The following ABCA13 variants were observed in gnomAD, a reference collection of about 807,000 sequenced individuals.
ABCA13 encodes ATP-binding cassette sub-family A member 13.
Under a neutral mutation model 478.7 loss-of-function variants are expected in ABCA13, and 476 were observed. The ratio of observed to expected loss-of-function variants is 0.99; its 90% confidence interval spans 0.92 to 1.07. The LOEUF (loss-of-function observed/expected upper bound fraction) is 1.07. Ranked by LOEUF, ABCA13 falls within the 50% of genes least tolerant of loss-of-function variation. ABCA13 has a pLI of 0.00. For synonymous variants in ABCA13, 2,252 were observed against 2,158.9 expected (o/e 1.04, Z -1.20); for missense variants, 6,060 against 5,910.6 (o/e 1.03, Z -0.83).
chr7:48,417,849 C>A (rs1402135732), intron 41 of ABCA13, among the ~76,000 whole-genome samples: 1 of 152,180 alleles, frequency 6.6e-6, no homozygotes, highest in East Asian at 1.9e-4. Flanking sequence ...TGCCCGAAGC[C>A]CCAGCCCTCA....
rs774232587 is a variant in ABCA13 at position 48,352,392 on chromosome 7, C to T, written c.10593C>T (p.Ile3531=). The change falls in exon 31 of 62, where the codon ATC becomes ATT. Residue 3531 remains isoleucine (I), a synonymous_variant. Coordinates refer to ENST00000435803, the MANE Select transcript of ABCA13 (RefSeq NM_152701.5). The part of the protein sequence containing the change: ...NYVFAPLQDM[I]ERAIILVQTG... ...TCTTTGCCCCACTGCAAGACATGAT[C>T]GAAAGAGCCATCATTTTGGTGCAGA... 1.2e-4 allele frequency: 187 copies of T among 1,613,290 alleles called. 1 individual carries two copies. The South Asian group carries it at 1.8e-3, about 15-fold the overall frequency.
At chr7:48,584,374 T>C (rs1181354136) in intron 56 of ABCA13, among the ~76,000 whole-genome samples, 2 of 152,242 alleles carry the variant, frequency 1.3e-5, no homozygotes, top group East Asian at 3.8e-4. Context: ...ATTACAATGA[T>C]GAGAAAAGTA....
Position 48,272,786 on chromosome 7 carries a change from G to A in ABCA13, c.3120G>A (p.Leu1040=). 1 of 1,604,594 alleles carries A rather than the reference G, an allele frequency of 6.2e-7. No homozygotes were observed. ...AATTGCTTTCAATTTTTAACTTTTTGGAGCTTCAGGCCCAATCCTTCATGT... is the reference window on the plus strand; with the variant it reads ...AATTGCTTTCAATTTTTAACTTTTTAGAGCTTCAGGCCCAATCCTTCATGT... ...CQQLLSIFNF[L]ELQAQSFMST... The change falls in exon 17 of 62, where the codon TTG becomes TTA. Residue 1040 remains leucine, a synonymous_variant. Coordinates refer to ENST00000435803, the MANE Select transcript of ABCA13 (RefSeq NM_152701.5).
At chr7:48,497,286 T>G (rs1346713900) in intron 48 of ABCA13, among the ~76,000 whole-genome samples, 1 of 152,226 alleles carries the variant, frequency 6.6e-6, no homozygotes, top group Non-Finnish European at 1.5e-5. Context: ...TTCATTCATT[T>G]TTTAATCATT....
intron 12 of ABCA13, 111 bp downstream of exon 12, chr7:48,245,723 C>A: frequency 7.0e-7 from 1 of 1,427,998 alleles, no homozygotes; most frequent in Non-Finnish European, 9.5e-7. Flanking sequence ...AAAAAGGGAA[C>A]AATATGCAGG....
Position 48,269,001 on chromosome 7 carries a change from G to A in ABCA13, c.2027G>A (p.Cys676Tyr). The change falls in exon 16 of 62, where the codon TGT (cysteine) becomes TAT (tyrosine). Residue 676 changes from cysteine to tyrosine, a missense_variant. By Grantham distance (194) the Cys-to-Tyr change is radical (BLOSUM62 -2). Transcript: ENST00000435803. ...RLLAFPEESP[C>Y]FEENMDWKMI... is the part of the protein sequence containing the mutation. ...TTAGCTTTTCCTGAGGAATCTCCTT[G>A]TTTTGAAGAAAACATGGATTGGAAA... 6.3e-7 allele frequency: 1 copy of A among 1,588,260 alleles called. No homozygotes were observed.
intron 25 of ABCA13, 149 bp from the exon 26 acceptor site, chr7:48,314,083 A>T (rs1584792652): frequency 2.1e-6 from 2 of 938,390 alleles, no homozygotes; most frequent in Non-Finnish European, 3.1e-6. Context: ...TATCCCAAGG[A>T]CAGAAAACTC....
intron 55 of ABCA13, among the ~76,000 whole-genome samples, chr7:48,574,194 C>T (rs1787945956): frequency 6.6e-6 from 1 of 152,048 alleles, no homozygotes; most frequent in Admixed American, 6.6e-5. Flanking sequence ...TATTTAGAGT[C>T]TCTGGATGAT....
At chr7:48,603,591 G>A (rs147188234) in intron 58 of ABCA13, 3,245 of 153,620 alleles carry the variant, frequency 0.021, 119 homozygotes, top group African/African-American at 0.074. Context: ...ACTTGATTGT[G>A]GTGGATAAGC....
At chr7:48,541,140 A>G (rs1833918712) in intron 55 of ABCA13, among the ~76,000 whole-genome samples, 1 of 152,188 alleles carries the variant, frequency 6.6e-6, no homozygotes, top group Non-Finnish European at 1.5e-5. Context: ...GGCAAGATTA[A>G]CAAAAGGCTC....
At chr7:48,623,449 T>C (rs1330882077) in intron 59 of ABCA13, among the ~76,000 whole-genome samples, 1 of 152,236 alleles carries the variant, frequency 6.6e-6, no homozygotes, top group African/African-American at 2.4e-5. Flanking sequence ...GGTTTTATTC[T>C]GCTTTACATC....
chr7:48,538,883 A>G (rs890378688), intron 55 of ABCA13, among the ~76,000 whole-genome samples: 23 of 152,100 alleles, frequency 1.5e-4, no homozygotes, highest in African/African-American at 5.3e-4. Flanking sequence ...TCATTTCTTT[A>G]CAAACTCTCT....
chr7:48,422,790 G>T (rs1453151423), intron 41 of ABCA13, among the ~76,000 whole-genome samples: 1 of 152,196 alleles, frequency 6.6e-6, no homozygotes, highest in African/African-American at 2.4e-5. Flanking sequence ...TATCTGGGTG[G>T]ACTTGATGTA....
chr7:48,211,075 A>G (rs577621003), intron 3 of ABCA13, among the ~76,000 whole-genome samples: 227 of 152,166 alleles, frequency 1.5e-3, no homozygotes, highest in Non-Finnish European at 2.5e-3. Context: ...TCGCTGTCTG[A>G]GAGGTCACAT....
intron 6 of ABCA13, among the ~76,000 whole-genome samples, chr7:48,228,170 G>C (rs1451250560): frequency 2.0e-5 from 3 of 152,116 alleles, no homozygotes; most frequent in Admixed American, 1.3e-4. Flanking sequence ...CCATTGGTGA[G>C]AGCCACATTA....
intron 42 of ABCA13, among the ~76,000 whole-genome samples, chr7:48,437,064 G>A (rs1278380616): frequency 6.6e-6 from 1 of 151,856 alleles, no homozygotes; most frequent in African/African-American, 2.4e-5. Context: ...TCAATTCTCT[G>A]TGTCTTTGTT....
rs558785903 is a variant in ABCA13, at chr7:48,355,654, G to A, written c.10688+3167G>A. Among the ~76,000 whole-genome samples, 45 of 152,106 alleles carry A rather than the reference G, an allele frequency of 3.0e-4. 1 individual carries two copies. Among genetic ancestry groups the A allele is most frequent in the African/African-American group, 1.0e-3 (43 of 41,394 alleles). On this transcript the variant is annotated intron_variant, in intron 31 of 61. Coordinates refer to ENST00000435803, the MANE Select transcript of ABCA13 (RefSeq NM_152701.5). Reference sequence around the variant, plus strand: ...GATGGTGGCTTGGTCCAGTGTGGTAGCAGAGAAGCTGGTAAAAAGTGGTCT... The same window carrying A: ...GATGGTGGCTTGGTCCAGTGTGGTAACAGAGAAGCTGGTAAAAAGTGGTCT...
At position 48,427,831 on chromosome 7, in the gene ABCA13, G is replaced by C. The variant is rs780539548; in HGVS notation, c.12525G>C (p.Glu4175Asp). The C allele has an allele frequency of 6.2e-7, 1 of 1,612,770 alleles. No individual in the cohort carries two copies. Among genetic ancestry groups the C allele is most frequent in the Non-Finnish European group, 8.5e-7 (1 of 1,179,360 alleles). ...KSHIALGTES[E>D]LQNHRPTGHL... ...ACATTGCCCTGGGGACTGAGTCAGAGCTGCAGAACCACAGGCCTACAGGAC... is the reference window on the plus strand; with the variant it reads ...ACATTGCCCTGGGGACTGAGTCAGACCTGCAGAACCACAGGCCTACAGGAC... The change falls in exon 42 of 62, where the codon GAG becomes GAC. Residue 4175 changes from glutamate to aspartate, a missense_variant. Around this residue, in one of 3 missense-constraint regions of ABCA13, gnomAD observed 1,627 missense variants for 1,571.0 expected, o/e 1.04. Coordinates refer to ENST00000435803, the MANE Select transcript of ABCA13 (RefSeq NM_152701.5).
At chr7:48,599,544 A>G (rs1282574698) in intron 58 of ABCA13, among the ~76,000 whole-genome samples, 1 of 152,126 alleles carries the variant, frequency 6.6e-6, no homozygotes, top group Non-Finnish European at 1.5e-5. Flanking sequence ...TTTTATTAAT[A>G]ATGTCTTTGG....
Sources: allele counts gnomAD v4.1 joint callset (sites outside exome capture counted in the v4.1 genomes callset), GRCh38; gene constraint gnomAD v4.1.1; regional missense constraint gnomAD v4.1.1; transcripts MANE v1.5; gene names NCBI Gene and HGNC (gene_info 2026-07-23, HGNC 2026-07-21).